RPAP1: variants seen among roughly 807,000 people sequenced by gnomAD.
The protein encoded by RPAP1 is RNA polymerase II associated protein 1.
Under a neutral mutation model 142.4 loss-of-function variants are expected in RPAP1, and 109 were observed. That is an observed-to-expected ratio of 0.77 (90% CI 0.66 to 0.90). RPAP1 has a LOEUF of 0.90. Ranked by LOEUF, RPAP1 falls within the 40% of genes least tolerant of loss-of-function variation. The pLI is 0.00. For missense variants in RPAP1, 1,546 were observed against 1,751.7 expected, an observed-to-expected ratio of 0.88 and a Z score of 2.10; for synonymous variants, 704 against 738.9, an observed-to-expected ratio of 0.95 and a Z score of 0.77.
At chr15:41,540,536 G>T (rs189150629) in intron 1 of RPAP1, among the ~76,000 whole-genome samples, 1 of 152,280 alleles carries the variant, frequency 6.6e-6, no homozygotes, top group Non-Finnish European at 1.5e-5. Context: ...CCCGACCTCA[G>T]GTGATCTGCC....
chr15:41,520,872 G>A lies in RPAP1; in HGVS notation c.3314C>T (p.Pro1105Leu), dbSNP rs1566882840. 6.2e-7 allele frequency: 1 copy of A among 1,613,748 alleles called. No homozygotes were observed. The highest frequency in any genetic ancestry group is 1.7e-5 in the Admixed American group (1 of 60,032). The change falls in exon 22 of 25, where the codon CCA becomes CTA. Residue 1105 changes from proline (P) to leucine (L), a missense_variant. Pro to Leu is a moderately conservative substitution (Grantham distance 98). This residue lies in a region of RPAP1 where 1,333 missense variants were observed against 1,486.6 expected (regional missense o/e 0.90). Coordinates refer to ENST00000304330, the MANE Select transcript of RPAP1 (RefSeq NM_015540.4). Reference sequence around the variant, plus strand: ...AGCCCGGTGGTAGAGGCGAATCAGTGGCAGGAAGGGCCAGTCGGTGGGCAG... The same window carrying A: ...AGCCCGGTGGTAGAGGCGAATCAGTAGCAGGAAGGGCCAGTCGGTGGGCAG... Reference protein sequence around the residue: ...PLLPTDWPFLPLIRLYHRASD... With the variant: ...PLLPTDWPFLLLIRLYHRASD...
chr15:41,528,110 G>A, intron 10 of RPAP1, 83 bp from the exon 11 acceptor site: 1 of 1,547,986 alleles, frequency 6.5e-7, no homozygotes, highest in Non-Finnish European at 8.8e-7. Flanking sequence ...GCCCCCCTAT[G>A]ATCCTAGGTT....
chr15:41,531,671 C>T (rs144756169), intron 6 of RPAP1, among the ~76,000 whole-genome samples: 2,327 of 127,200 alleles, frequency 0.018, 74 homozygotes, highest in African/African-American at 0.065. Flanking sequence ...GACGGAATCT[C>T]GCTGTGTCGC....
At position 41,518,057 on chromosome 15, in the gene RPAP1, C is replaced by A. The variant is rs1566881496; in HGVS notation, c.3921G>T (p.Val1307=). The A allele has an allele frequency of 6.2e-7, 1 of 1,613,934 alleles. No homozygotes were observed. Among genetic ancestry groups the A allele is most frequent in the Non-Finnish European group, 8.5e-7 (1 of 1,179,962 alleles). Reference sequence around the variant, plus strand: ...TGAAGCTATTGACATGAGCCACAGCCACAGCATAGAGCACGGGGCACCAAC... The same window carrying A: ...TGAAGCTATTGACATGAGCCACAGCAACAGCATAGAGCACGGGGCACCAAC... ...RPRWCPVLYA[V]AVAHVNSFIF... is the part of the protein sequence containing the mutation. The change falls in exon 23 of 25, where the codon GTG becomes GTT. Residue 1307 remains valine, a synonymous_variant. Coordinates refer to ENST00000304330, the MANE Select transcript of RPAP1 (RefSeq NM_015540.4).
At position 41,526,908 on chromosome 15, in the gene RPAP1, G is replaced by A. The variant is rs776889515; in HGVS notation, c.1907C>T (p.Ala636Val). 6.8e-6 allele frequency: 11 copies of A among 1,612,140 alleles called. No homozygotes were observed. Among genetic ancestry groups the A allele is most frequent in the African/African-American group, 1.3e-5 (1 of 74,900 alleles). ...RVLASAGRNIAARLLSSFDLR... is the reference protein window; with the variant it reads ...RVLASAGRNIVARLLSSFDLR... ...CTGTGTCCTGCTCACCAGCCGGGCAGCAATATTCCTCCCAGCTGAGGCCAG... is the reference window on the plus strand; with the variant it reads ...CTGTGTCCTGCTCACCAGCCGGGCAACAATATTCCTCCCAGCTGAGGCCAG... Residue 636 changes from alanine to valine, a missense_variant, in exon 14 of 25, where the codon GCT becomes GTT. Physicochemically the swap from Ala to Val is moderately conservative, Grantham distance 64. Coordinates refer to ENST00000304330, the MANE Select transcript of RPAP1 (RefSeq NM_015540.4).
At chr15:41,534,620 C>G (rs1196605169) in intron 6 of RPAP1, 94 bp downstream of exon 6, 8 of 486,618 alleles carry the variant, frequency 1.6e-5, no homozygotes, top group Non-Finnish European at 7.6e-6. Flanking sequence ...CATTAAAGTA[C>G]TCAGCACAGT....
Position 41,520,561 on chromosome 15 carries a change from C to T in RPAP1, c.3625G>A (p.Asp1209Asn). Residue 1209 changes from aspartate to asparagine, a missense_variant, in exon 22 of 25, where the codon GAC (aspartate) becomes AAC (asparagine). Transcript: ENST00000304330. ...TGATCCAGGAAGTTGGCATAGAGGT[C>T]AGGGAAAGACGTCAGGCCAGGGAGT... ...CRLPGLTSFP[D>N]LYANFLDHFE... 6.2e-7 allele frequency: 1 copy of T among 1,614,202 alleles called. No homozygotes were observed. Among genetic ancestry groups the T allele is most frequent in the Non-Finnish European group, 8.5e-7 (1 of 1,180,044 alleles).
chr15:41,524,194 G>A lies in RPAP1; in HGVS notation c.2136C>T (p.His712=), dbSNP rs2140764254. The A allele has an allele frequency of 1.9e-6, 3 of 1,588,432 alleles. No individual in the cohort carries two copies. Among genetic ancestry groups the A allele is most frequent in the Middle Eastern group, 1.7e-4 (1 of 5,956 alleles). The change falls in exon 16 of 25, where the codon CAC becomes CAT. Residue 712 remains histidine (H), a synonymous_variant. Coordinates refer to ENST00000304330, the MANE Select transcript of RPAP1 (RefSeq NM_015540.4). Reference sequence around the variant, plus strand: ...GCTGCATGGACAGGGGTTGAGGTGGGTGGGTGCTGAGCTCCCGCGGCACCA... The same window carrying A: ...GCTGCATGGACAGGGGTTGAGGTGGATGGGTGCTGAGCTCCCGCGGCACCA... ...LQVVPRELST[H]PPQPLSMQRI...
Position 41,517,569 on chromosome 15 carries a change from C to A in RPAP1, c.4155G>T (p.Val1385=). ...QHYLQRLTST[V]LQNGVSET ...AGGTCTCTGATACCCCATTTTGGAG[C>A]ACTGTTGAAGTCAGTCTCTGGAGGT... The change falls in exon 25 of 25, where the codon GTG becomes GTT. Residue 1385 remains valine, a synonymous_variant. Transcript: ENST00000304330. 6.3e-7 allele frequency: 1 copy of A among 1,580,676 alleles called. No individual in the cohort carries two copies. Among genetic ancestry groups the A allele is most frequent in the Non-Finnish European group, 8.6e-7 (1 of 1,163,872 alleles).
At chr15:41,518,320 C>T in intron 22 of RPAP1, 138 bp from the exon 23 acceptor site, 1 of 709,990 alleles carries the variant, frequency 1.4e-6, no homozygotes, top group African/African-American at 1.8e-5. Flanking sequence ...CCTTCTAGCA[C>T]AAGGATCAGG....
intron 1 of RPAP1, among the ~76,000 whole-genome samples, chr15:41,539,858 A>C (rs1322823919): frequency 1.3e-5 from 2 of 151,664 alleles, no homozygotes; most frequent in Non-Finnish European, 2.9e-5. Flanking sequence ...AACATGGTGA[A>C]GTCTCTACTA....
In RPAP1 at chr15:41,517,779, C is replaced by T. The variant is rs751904213; in HGVS notation, c.4032+19G>A. The T allele has an allele frequency of 6.2e-7, 1 of 1,614,184 alleles. No individual in the cohort carries two copies. On this transcript the variant is annotated intron_variant, in intron 24 of 24. Transcript: ENST00000304330. ...CAAGATCCTCTAATATCCCACCCTC[C>T]TAATGGCCCTGACCCTACCTCATCT...
chr15:41,530,087 G>A, intron 7 of RPAP1, 108 bp from the exon 8 acceptor site: 1 of 809,390 alleles, frequency 1.2e-6, no homozygotes, highest in Non-Finnish European at 2.1e-6. Flanking sequence ...TCCAGGATCT[G>A]CCAGCTTCTA....
At chr15:41,529,791 C>A in intron 8 of RPAP1, 73 bp downstream of exon 8, 1 of 1,142,376 alleles carries the variant, frequency 8.8e-7, no homozygotes, top group Non-Finnish European at 1.2e-6. Flanking sequence ...GGCCTGAGTT[C>A]TGAGGGCAAG....
chr15:41,543,284 A>G (rs954952574), intron 1 of RPAP1, among the ~76,000 whole-genome samples: 5 of 136,614 alleles, frequency 3.7e-5, no homozygotes, highest in African/African-American at 1.4e-4. Flanking sequence ...ATCTCGGCAC[A>G]CTGCAACCTC....
intron 15 of RPAP1, 134 bp from the exon 16 acceptor site, chr15:41,524,388 G>C: frequency 1.5e-6 from 1 of 681,044 alleles, no homozygotes; most frequent in Non-Finnish European, 2.2e-6. Flanking sequence ...CTCTTGGAAG[G>C]CTCAGCCCTA....
At chr15:41,529,379 G>T in intron 9 of RPAP1, 91 bp downstream of exon 9, 1 of 809,798 alleles carries the variant, frequency 1.2e-6, no homozygotes, top group Non-Finnish European at 2.1e-6. Context: ...CTAGAACAGG[G>T]CACACAGAAG....
At position 41,529,556 on chromosome 15, in the gene RPAP1, G is replaced by A. The variant is rs1270782764; in HGVS notation, c.1072C>T (p.Arg358Ter). 6 of 1,610,822 alleles carry A rather than the reference G, an allele frequency of 3.7e-6. No individual in the cohort carries two copies. The highest frequency in any genetic ancestry group is 1.7e-5 in the Admixed American group (1 of 59,910). ...AGTAGTTCTCCCTGAAGACTGAATCGAGCCTGCATCCTCTAATGGGAAGAG... is the reference window on the plus strand; with the variant it reads ...AGTAGTTCTCCCTGAAGACTGAATCAAGCCTGCATCCTCTAATGGGAAGAG... ...RQQTQERMQA[R>*]FSLQGELLAP... Residue 358 changes from arginine to a stop codon, truncating the protein, a stop_gained, in exon 9 of 25, where the codon CGA (arginine) becomes TGA (stop). Coordinates refer to ENST00000304330, the MANE Select transcript of RPAP1 (RefSeq NM_015540.4). LOFTEE classifies it high-confidence loss of function.
rs771877539 is a variant in RPAP1 at position 41,517,626 on chromosome 15, G to A, written c.4098C>T (p.Leu1366=). The change falls in exon 25 of 25, where the codon CTC becomes CTT. Residue 1366 remains leucine (L), a synonymous_variant. Coordinates refer to ENST00000304330, the MANE Select transcript of RPAP1 (RefSeq NM_015540.4). ...PNSTLPEGFE[L]YSQLPPLRQH... is the part of the protein sequence containing the mutation. ...GACGCAGAGGGGGCAACTGAGAATA[G>A]AGCTCAAAGCCCTCTGGGAGCGTGG... 6.2e-7 allele frequency: 1 copy of A among 1,612,156 alleles called. No individual in the cohort carries two copies. The highest frequency in any genetic ancestry group is 8.5e-7 in the Non-Finnish European group (1 of 1,178,998).
Sources: allele counts gnomAD v4.1 joint callset (sites outside exome capture counted in the v4.1 genomes callset), GRCh38; gene constraint gnomAD v4.1.1; regional missense constraint gnomAD v4.1.1; transcripts MANE v1.5; gene names NCBI Gene and HGNC (gene_info 2026-07-23, HGNC 2026-07-21).